Variants in GNL3L observed in about 807,000 individuals in gnomAD.
The protein encoded by GNL3L is G protein nucleolar 3 like, also known as guanine nucleotide-binding protein-like 3-like protein.
Under a neutral mutation model 42.9 loss-of-function variants are expected in GNL3L, and 4 were observed. The observed-to-expected ratio is 0.09, with a 90% CI of 0.05 to 0.21. GNL3L has a LOEUF of 0.21. GNL3L is among the 10% of genes least tolerant of loss of function. The pLI is 1.00. For missense variants in GNL3L, 412 were observed against 481.7 expected, an observed-to-expected ratio of 0.86 and a Z score of 1.36; for synonymous variants, 159 against 176.3, an observed-to-expected ratio of 0.90 and a Z score of 0.78.
rs1434712681 is a variant in GNL3L, at chrX:54,552,334, T to A, written c.1224T>A (p.Thr408=). The A allele has an allele frequency of 8.3e-7, 1 of 1,207,023 alleles. No individual in the cohort carries two copies. Among genetic ancestry groups the A allele is most frequent in the Non-Finnish European group, 1.1e-6 (1 of 891,261 alleles). Residue 408 remains threonine, a synonymous_variant, in exon 13 of 16, where the codon ACT becomes ACA. Transcript: ENST00000360845. ...SFYIPPPATH[T]LPTHLSAEIV... ...ATATACCACCACCAGCCACTCACACTCTGCCCACCCATCTCAGTGCTGAGA... is the reference window on the plus strand; with the variant it reads ...ATATACCACCACCAGCCACTCACACACTGCCCACCCATCTCAGTGCTGAGA...
intron 16 of GNL3L, among the ~76,000 whole-genome samples, chrX:54,606,229 C>T (rs1209010169): frequency 1.8e-5 from 2 of 111,085 alleles, no homozygotes; most frequent in African/African-American, 3.3e-5. Flanking sequence ...GTAGAGTATA[C>T]GCATATAATG....
At chrX:54,577,452 G>C (rs768538539) in intron 16 of GNL3L, among the ~76,000 whole-genome samples, 3 of 111,356 alleles carry the variant, frequency 2.7e-5, no homozygotes, top group Non-Finnish European at 3.8e-5. Context: ...GAATACTCAA[G>C]ATTTCTTAAA....
chrX:54,534,764 G>A (rs766403117), intron 2 of GNL3L, among the ~76,000 whole-genome samples: 3 of 111,106 alleles, frequency 2.7e-5, no homozygotes, highest in Non-Finnish European at 5.7e-5. Flanking sequence ...GTGCTGGGAG[G>A]GATGACTGAC....
intron 2 of GNL3L, 143 bp from the exon 3 acceptor site, chrX:54,538,897 T>G: frequency 2.4e-6 from 1 of 422,127 alleles, no homozygotes; most frequent in Admixed American, 4.3e-5. Context: ...CATCCGCATC[T>G]CTTGTCTTGT....
chrX:54,603,196 A>C (rs1334422282), intron 16 of GNL3L, among the ~76,000 whole-genome samples: 1 of 111,622 alleles, frequency 9.0e-6, no homozygotes, highest in Non-Finnish European at 1.9e-5. Flanking sequence ...GAGATTCAAA[A>C]TAAATAATAG....
chrX:54,593,368 A>G (rs1344708083), intron 16 of GNL3L, among the ~76,000 whole-genome samples: 1 of 111,469 alleles, frequency 9.0e-6, no homozygotes, highest in Non-Finnish European at 1.9e-5. Context: ...CTATGTGTCT[A>G]TGAAGTAATA....
intron 16 of GNL3L, among the ~76,000 whole-genome samples, chrX:54,587,919 G>A (rs1412147932): frequency 9.0e-6 from 1 of 111,727 alleles, no homozygotes; most frequent in East Asian, 2.8e-4. Flanking sequence ...GACCTCAGGT[G>A]ATCCTTCTGC....
chrX:54,634,715 C>T, the GNL3L span, among the ~76,000 whole-genome samples: 1 of 104,421 alleles, frequency 9.6e-6, no homozygotes, highest in African/African-American at 3.5e-5. Flanking sequence ...CCTCGATCTC[C>T]TGACCTTGTG....
At position 54,540,108 on chromosome X, in the gene GNL3L, G is replaced by GT. The variant is rs747928755; in HGVS notation, c.82-19dup. On this transcript the variant is annotated intron_variant, in intron 3 of 15. Transcript: ENST00000360845. ...TGATTTCCATGGGTTCATTACCTCT[G>GT]TTTTTTTTCTCTTATGTGGTGGCCA... is the stretch of plus-strand genomic sequence containing the variant. 83 of 1,053,152 alleles carry GT rather than the reference G, an allele frequency of 7.9e-5. 1 individual carries two copies. Among genetic ancestry groups the GT allele is most frequent in the South Asian group, 4.6e-4 (24 of 52,271 alleles). 86.8% of individuals were successfully genotyped at this position (1,053,152 alleles called of 1,213,427 possible). A position where few individuals can be genotyped will look rare whatever the true frequency, so the allele number is the denominator to read the frequency against.
At position 54,550,231 on chromosome X, in the gene GNL3L, A is replaced by AGG. The variant is rs1372744697; in HGVS notation, c.776-731_776-730insGG. ...GAGAGAGAGAGAGAGAGAGAGAGAGAGAGATGTGTAGAGACTTCCATGCAT... is the reference window on the plus strand; with the variant it reads ...GAGAGAGAGAGAGAGAGAGAGAGAGAGGGAGATGTGTAGAGACTTCCATGCAT... On this transcript the variant is annotated intron_variant, in intron 9 of 15. Transcript: ENST00000360845. Among the ~76,000 whole-genome samples, 15 of 107,584 alleles carry AGG rather than the reference A, an allele frequency of 1.4e-4. 1 individual carries two copies. The highest frequency in any genetic ancestry group is 5.1e-4 in the African/African-American group (15 of 29,416). 93.4% of individuals were successfully genotyped at this position (107,584 alleles called of 115,157 possible). A position where few individuals can be genotyped will look rare whatever the true frequency, so the allele number is the denominator to read the frequency against.
intron 14 of GNL3L, 75 bp from the exon 15 acceptor site, chrX:54,558,361 T>C: frequency 2.7e-6 from 2 of 743,164 alleles, no homozygotes; most frequent in Non-Finnish European, 4.2e-6. Flanking sequence ...CCTGTGTCCC[T>C]ACCTTTTCTG....
At chrX:54,581,536 A>G (rs1452294850) in intron 16 of GNL3L, among the ~76,000 whole-genome samples, 1 of 112,656 alleles carries the variant, frequency 8.9e-6, no homozygotes, top group East Asian at 2.8e-4. Context: ...TGCCCCATCA[A>G]TGTTGCCCTT....
the GNL3L span, among the ~76,000 whole-genome samples, chrX:54,640,403 GCAGT>G: frequency 1.8e-5 from 2 of 112,053 alleles, no homozygotes; most frequent in African/African-American, 6.5e-5. Flanking sequence ...TTAGGTTGTT[GCAGT>G]CAGAGTGTAC....
chrX:54,587,887 G>A (rs1454364635), intron 16 of GNL3L, among the ~76,000 whole-genome samples: 1 of 110,837 alleles, frequency 9.0e-6, no homozygotes, highest in African/African-American at 3.3e-5. Context: ...CACCATGTTG[G>A]CCAGGCTGGT....
intron 16 of GNL3L, among the ~76,000 whole-genome samples, chrX:54,580,190 T>C (rs1284349285): frequency 1.3e-5 from 1 of 78,240 alleles, no homozygotes; most frequent in East Asian, 4.7e-4. Context: ...GATGTTCCCC[T>C]TCCTGTGTCC....
Position 54,586,739 on chromosome X carries a change from A to G in GNL3L, c.*45+26092A>G, listed in dbSNP as rs889809248. ...CCTCTACATACCACAGACAGCATCTATAGCACCATTGAGGTGCCTGAGGGC... is the reference window on the plus strand; with the variant it reads ...CCTCTACATACCACAGACAGCATCTGTAGCACCATTGAGGTGCCTGAGGGC... On this transcript the variant is annotated intron_variant, in intron 16 of 16. Transcript: ENST00000674498. 8.0e-5 allele frequency among the ~76,000 whole-genome samples: 9 copies of G among 112,165 alleles called. No homozygotes were observed. The East Asian group carries it at 8.5e-4, about 11-fold the overall frequency.
chrX:54,544,369 T>G (rs757956975), intron 8 of GNL3L, 43 bp downstream of exon 8: 8 of 700,888 alleles, frequency 1.1e-5, no homozygotes, highest in South Asian at 2.3e-5. Flanking sequence ...TCAGGGTAGT[T>G]TGGGGCCAGA....
At chrX:54,600,565 G>A (rs180795686) in intron 16 of GNL3L, among the ~76,000 whole-genome samples, 1,382 of 110,159 alleles carry the variant, frequency 0.013, 13 homozygotes, top group Non-Finnish European at 0.02. Flanking sequence ...TACTCTGCTG[G>A]TTGAAGTGGG....
intron 16 of GNL3L, among the ~76,000 whole-genome samples, chrX:54,615,513 A>G (rs1926210830): frequency 8.9e-6 from 1 of 111,843 alleles, no homozygotes; most frequent in African/African-American, 3.2e-5. Flanking sequence ...ACAGCACCTT[A>G]TATGTATACT....
Sources: allele counts gnomAD v4.1 joint callset (sites outside exome capture counted in the v4.1 genomes callset), GRCh38; gene constraint gnomAD v4.1.1; transcripts MANE v1.5; gene names NCBI Gene and HGNC (gene_info 2026-07-23, HGNC 2026-07-21).